The following SCUBE2 variants were observed in gnomAD, a reference collection of about 807,000 sequenced individuals.
SCUBE2 encodes signal peptide, CUB domain and EGF like domain containing 2, also known as signal peptide, CUB and EGF-like domain-containing protein 2.
SCUBE2 carries 114 observed loss-of-function variants against 125.9 expected under a neutral mutation model. That is an observed-to-expected ratio of 0.91 (90% confidence interval 0.78 to 1.06). The LOEUF is 1.06. SCUBE2 is among the 50% of genes least tolerant of loss of function. The pLI is 0.00. For synonymous variants in SCUBE2, 459 were observed against 492.9 expected, an observed-to-expected ratio of 0.93 and a Z score of 0.91; for missense variants, 1,255 against 1,301.8, an observed-to-expected ratio of 0.96 and a Z score of 0.55.
chr11:9,091,387 G>T lies in SCUBE2; in HGVS notation c.133+9C>A. On this transcript the variant is annotated intron_variant, in intron 1 of 22. Coordinates refer to ENST00000649792, the MANE Select transcript of SCUBE2 (RefSeq NM_001367977.2). The surrounding 1 kb of genome is among the most constrained non-coding windows in gnomAD (Gnocchi z 8.5). ...TGTGCCAGGTGCGCCCCCGCGGCCGGACACTCACCCTCCTGCGGCCCCGCG... is the reference window on the plus strand; with the variant it reads ...TGTGCCAGGTGCGCCCCCGCGGCCGTACACTCACCCTCCTGCGGCCCCGCG... 1 of 1,312,650 alleles carries T rather than the reference G, an allele frequency of 7.6e-7. No individual in the cohort carries two copies. The highest frequency in any genetic ancestry group is 9.6e-7 in the Non-Finnish European group (1 of 1,037,142). The allele number at this position is 1,312,650 out of a possible 1,614,324, so 81.3% of individuals were successfully genotyped here.
rs182632616 is a variant in SCUBE2, at chr11:9,037,111, C to T, written c.2003-3315G>A. On this transcript the variant is annotated intron_variant, in intron 16 of 22. Transcript: ENST00000649792. ...AACTCTGAAATATCATGAAGGGATGCCTGAAAACCGCTCTTTGCAAATGTG... is the reference window on the plus strand; with the variant it reads ...AACTCTGAAATATCATGAAGGGATGTCTGAAAACCGCTCTTTGCAAATGTG... 6.5e-4 allele frequency among the ~76,000 whole-genome samples: 99 copies of T among 152,332 alleles called. 2 individuals are homozygous for T. Among genetic ancestry groups the T allele is most frequent in the Admixed American group, 6.5e-4 (10 of 15,306 alleles).
At chr11:9,074,904 A>G (rs1861096213) in intron 3 of SCUBE2, among the ~76,000 whole-genome samples, 2 of 152,208 alleles carry the variant, frequency 1.3e-5, no homozygotes, top group Admixed American at 1.3e-4. Flanking sequence ...ACAGCAAAAT[A>G]TAGATAAGGA....
chr11:9,030,996 A>G, intron 17 of SCUBE2, 71 bp from the exon 18 acceptor site: 1 of 1,451,028 alleles, frequency 6.9e-7, no homozygotes, highest in Non-Finnish European at 9.3e-7. Flanking sequence ...TCCAAATGAG[A>G]CCAACTTCAG....
chr11:9,021,089 A>G lies in SCUBE2; in HGVS notation c.3043T>C (p.Leu1015=), dbSNP rs1000479211. Residue 1015 remains leucine, a synonymous_variant, in exon 23 of 23, where the codon TTG becomes CTG. Transcript: ENST00000649792. ...AACCTGGACACTTTGGAACGTAGCA[A>G]TCGGATGAACGATCTTGGAAACATC... ...REMFPRSFIR[L]LRSKVSRFLR... is the part of the protein sequence containing the mutation. 8 of 1,613,682 alleles carry G rather than the reference A, an allele frequency of 5.0e-6. No homozygotes were observed. The African/African-American group carries it at 5.3e-5, about 11-fold the overall frequency.
Position 9,064,467 on chromosome 11 carries a change from TA to T in SCUBE2, c.850+1423del, listed in dbSNP as rs112249412. 267 of 129,966 alleles carry T rather than the reference TA, an allele frequency of 2.1e-3. 1 individual carries two copies. Among genetic ancestry groups the T allele is most frequent in the Admixed American group, 3.5e-3 (44 of 12,612 alleles). The allele number at this position is 129,966 out of a possible 1,614,324, so 8.1% of individuals were successfully genotyped here. On this transcript the variant is annotated intron_variant, in intron 7 of 22. Transcript: ENST00000649792. ...GGGGCAACAGAGTGAGACTCTGTCT[TA>T]AAAAAAAAAAAAAAAGAAAAGAAAA...
rs769973070 is a variant in SCUBE2 at position 9,047,585 on chromosome 11, A to T, written c.1796-23T>A. The T allele has an allele frequency of 1.9e-6, 3 of 1,610,314 alleles. No homozygotes were observed. In the South Asian group the frequency reaches 3.3e-5, roughly 18 times the overall value. On this transcript the variant is annotated intron_variant, in intron 15 of 22. Transcript: ENST00000649792. ...AAGCTACAGAAACAAGAGGGACAGC[A>T]GTGCGGGAGGAGATCAGGCTGCAGC...
At chr11:9,042,922 T>C (rs763535096) in intron 16 of SCUBE2, among the ~76,000 whole-genome samples, 1 of 152,194 alleles carries the variant, frequency 6.6e-6, no homozygotes, top group African/African-American at 2.4e-5. Context: ...AGGCAACACA[T>C]TCAAAAGCCC....
intron 5 of SCUBE2, among the ~76,000 whole-genome samples, chr11:9,067,405 A>G (rs1460130789): frequency 6.6e-6 from 1 of 152,248 alleles, no homozygotes; most frequent in Admixed American, 6.5e-5. Flanking sequence ...AAAACTATCT[A>G]TTCATCAAAC....
chr11:9,084,558 A>G (rs1206485667), intron 2 of SCUBE2, among the ~76,000 whole-genome samples: 4 of 151,828 alleles, frequency 2.6e-5, no homozygotes, highest in African/African-American at 7.3e-5. Context: ...ATTTTGTAGC[A>G]GAGAAAACCC....
rs765147620 is a variant in SCUBE2, at chr11:9,021,180, C to T, written c.2952G>A (p.Lys984=). The T allele has an allele frequency of 6.3e-7, 1 of 1,577,390 alleles. No individual in the cohort carries two copies. The highest frequency in any genetic ancestry group is 1.2e-5 in the South Asian group (1 of 82,736). The change falls in exon 23 of 23, where the codon AAG becomes AAA. Residue 984 remains lysine, a synonymous_variant. Coordinates refer to ENST00000649792, the MANE Select transcript of SCUBE2 (RefSeq NM_001367977.2). Reference sequence around the variant, plus strand: ...GATGGGCCAGGACATCAAACAGAGCCTTGATAAGTTTCTTATCCTAAAAAG... The same window carrying T: ...GATGGGCCAGGACATCAAACAGAGCTTTGATAAGTTTCTTATCCTAAAAAG... ...QEILKDKKLI[K]ALFDVLAHPQ...
At chr11:9,072,153 T>C (rs1299431533) in intron 4 of SCUBE2, among the ~76,000 whole-genome samples, 3 of 152,226 alleles carry the variant, frequency 2.0e-5, no homozygotes, top group African/African-American at 7.2e-5. Context: ...TGTGTTACCT[T>C]CTTTTAATCA....
chr11:9,047,217 CT>C (rs1857866911), intron 16 of SCUBE2, 138 bp downstream of exon 16: 1 of 839,050 alleles, frequency 1.2e-6, no homozygotes, highest in Non-Finnish European at 1.9e-6. Flanking sequence ...GCAACAGTTA[CT>C]GAAACAGAAG....
intron 14 of SCUBE2, among the ~76,000 whole-genome samples, chr11:9,049,543 G>C (rs1402938468): frequency 6.6e-6 from 1 of 152,088 alleles, no homozygotes; most frequent in African/African-American, 2.4e-5. Context: ...ACCACAACTG[G>C]TTCAAATCTA....
chr11:9,054,701 G>GTATATATATATATA (rs1210852364), intron 10 of SCUBE2, among the ~76,000 whole-genome samples: 41 of 51,060 alleles, frequency 8.0e-4, no homozygotes, highest in African/African-American at 3.8e-3. Flanking sequence ...AAGCACTAGT[G>GTATATATATATATA]TATATATATA....
rs910630390 is a variant in SCUBE2 at position 9,069,272 on chromosome 11, C to T, written c.643+98G>A. ...GTGCTAACTGCCTTCCCTGCTGCTG[C>T]AGCCGTGCCATGAGGTGGTGCTTCT... On this transcript the variant is annotated intron_variant, in intron 5 of 22. Coordinates refer to ENST00000649792, the MANE Select transcript of SCUBE2 (RefSeq NM_001367977.2). 4.0e-6 allele frequency: 6 copies of T among 1,508,906 alleles called. No individual in the cohort carries two copies. In the African/African-American group the frequency reaches 6.9e-5, roughly 17 times the overall value. 93.5% of individuals were successfully genotyped at this position (1,508,906 alleles called of 1,614,324 possible).
chr11:9,030,092 T>C, intron 18 of SCUBE2, 47 bp from the exon 19 acceptor site: 6 of 1,586,208 alleles, frequency 3.8e-6, no homozygotes, highest in Non-Finnish European at 5.2e-6. Flanking sequence ...GAAAGATTAT[T>C]TTTAATCAAA....
At chr11:9,053,055 G>T in intron 12 of SCUBE2, 44 bp downstream of exon 12, 1 of 1,529,016 alleles carries the variant, frequency 6.5e-7, no homozygotes, top group Non-Finnish European at 9.1e-7. Context: ...AGAGAGGCCT[G>T]GCCCCAGTGT....
At chr11:9,041,970 G>A (rs1857294849) in intron 16 of SCUBE2, among the ~76,000 whole-genome samples, 1 of 152,078 alleles carries the variant, frequency 6.6e-6, no homozygotes, top group African/African-American at 2.4e-5. Context: ...ATAGAGGGGG[G>A]CCTTAGAGGC....
intron 16 of SCUBE2, among the ~76,000 whole-genome samples, chr11:9,040,674 AGTGTGGGTACG>A (rs1857154090): frequency 6.7e-6 from 1 of 150,028 alleles, no homozygotes; most frequent in Admixed American, 6.6e-5. Flanking sequence ...GAGGGTACAC[AGTGTGGGTACG>A]CAGGAGAAAG....
Sources: allele counts gnomAD v4.1 joint callset (sites outside exome capture counted in the v4.1 genomes callset), GRCh38; gene constraint gnomAD v4.1.1; non-coding constraint Gnocchi (gnomAD v3.1); transcripts MANE v1.5; gene names NCBI Gene and HGNC (gene_info 2026-07-23, HGNC 2026-07-21).